FTO: variants seen among roughly 807,000 people sequenced by gnomAD.
FTO encodes alpha-ketoglutarate-dependent dioxygenase FTO.
Under a neutral mutation model 63.9 loss-of-function variants are expected in FTO, and 47 were observed. The observed-to-expected ratio is 0.74, with a 90% CI of 0.58 to 0.94. The LOEUF is 0.94. FTO is among the 40% of genes least tolerant of loss of function. The pLI, the probability that FTO is intolerant of heterozygous loss-of-function variation, is 0.00. For missense variants in FTO, 562 were observed against 618.1 expected (o/e 0.91, Z 0.96); for synonymous variants, 207 against 224.4 (o/e 0.92, Z 0.69).
intron 1 of FTO, among the ~76,000 whole-genome samples, chr16:53,797,781 G>A (rs2078113678): frequency 6.6e-6 from 1 of 152,052 alleles, no homozygotes; most frequent in African/African-American, 2.4e-5. Context: ...CAGTGTATAA[G>A]AGTTCTAGTT....
intron 1 of FTO, among the ~76,000 whole-genome samples, chr16:53,762,189 C>T (rs899399379): frequency 2.0e-5 from 3 of 152,098 alleles, no homozygotes; most frequent in African/African-American, 4.8e-5. Context: ...AATGTTTTAC[C>T]GGTAAACAGG....
chr16:53,762,518 A>C (rs2077094730), intron 1 of FTO, among the ~76,000 whole-genome samples: 1 of 152,144 alleles, frequency 6.6e-6, no homozygotes, highest in Non-Finnish European at 1.5e-5. Context: ...TTGATCAGAC[A>C]ATATAAGCAC....
chr16:53,779,400 T>G (rs1345929132), intron 1 of FTO, among the ~76,000 whole-genome samples: 2 of 152,192 alleles, frequency 1.3e-5, no homozygotes, highest in African/African-American at 2.4e-5. Context: ...CCTTAACTGG[T>G]CTTTATTGTT....
intron 7 of FTO, among the ~76,000 whole-genome samples, chr16:53,906,921 C>G (rs1440074453): frequency 6.6e-6 from 1 of 152,200 alleles, no homozygotes; most frequent in Non-Finnish European, 1.5e-5. Flanking sequence ...TGGGAGAACT[C>G]TTACCTTTGA....
chr16:53,862,565 T>A (rs1192979347), intron 4 of FTO, among the ~76,000 whole-genome samples: 1 of 147,828 alleles, frequency 6.8e-6, no homozygotes, highest in East Asian at 2.0e-4. Flanking sequence ...CAAGATGGAG[T>A]CTCTCTGTCG....
At chr16:53,752,928 T>G (rs1160586413) in intron 1 of FTO, among the ~76,000 whole-genome samples, 1 of 152,056 alleles carries the variant, frequency 6.6e-6, no homozygotes. Flanking sequence ...GCCTTTTTTT[T>G]TTTTTTTAAA....
intron 8 of FTO, among the ~76,000 whole-genome samples, chr16:54,026,466 TA>T (rs2084717923): frequency 6.6e-6 from 1 of 152,208 alleles, no homozygotes; most frequent in Non-Finnish European, 1.5e-5. Context: ...CTCCATTACC[TA>T]AAACCTAATC....
Position 54,116,967 on chromosome 16 carries a change from AC to A in FTO, c.*5054del, listed in dbSNP as rs1251566131. On this transcript the variant is annotated 3_prime_UTR_variant, in exon 9 of 9. Coordinates refer to ENST00000471389, the MANE Select transcript of FTO (RefSeq NM_001080432.3). ...ACAGTCCTAATTCCCACCTCTCAGA[AC>A]CTTGTCAGCCAAGTTCTTCCTGCTC... 2 of 152,154 alleles carry A rather than the reference AC, an allele frequency of 1.3e-5. No individual in the cohort carries two copies. Among genetic ancestry groups the A allele is most frequent in the African/African-American group, 4.8e-5 (2 of 41,354 alleles). The allele number at this position is 152,154 out of a possible 1,614,324, so 9.4% of individuals were successfully genotyped here.
chr16:53,935,132 G>A (rs770312330), intron 8 of FTO, among the ~76,000 whole-genome samples: 1 of 152,144 alleles, frequency 6.6e-6, no homozygotes, highest in African/African-American at 2.4e-5. Flanking sequence ...AAAAATTATT[G>A]AATTGTCATC....
At chr16:54,074,693 G>T (rs1419491338) in intron 8 of FTO, among the ~76,000 whole-genome samples, 2 of 151,970 alleles carry the variant, frequency 1.3e-5, no homozygotes, top group South Asian at 2.1e-4. Flanking sequence ...GAATATCCTT[G>T]TCTAAAAATT....
chr16:54,105,793 GTGTGTGTGTGTGTGTGTGTGTA>G (rs1312057700), intron 8 of FTO, among the ~76,000 whole-genome samples: 1 of 144,094 alleles, frequency 6.9e-6, no homozygotes, highest in Admixed American at 7.0e-5. Context: ...GTGTGTGTGT[GTGTGTGTGTGTGTGTGTGTGTA>G]TGTTACATTT....
intron 7 of FTO, among the ~76,000 whole-genome samples, chr16:53,904,914 T>G (rs2081498781): frequency 6.6e-6 from 1 of 151,994 alleles, no homozygotes; most frequent in African/African-American, 2.4e-5. Context: ...GGTTGAAGCC[T>G]TTACCTTGCA....
intron 8 of FTO, among the ~76,000 whole-genome samples, chr16:53,973,868 AAAAT>A (rs757420475): frequency 6.6e-6 from 1 of 152,190 alleles, no homozygotes; most frequent in Non-Finnish European, 1.5e-5. Flanking sequence ...TACCGTATGT[AAAAT>A]AAGTGTAAAA....
intron 7 of FTO, among the ~76,000 whole-genome samples, chr16:53,912,270 T>G (rs931853185): frequency 3.3e-5 from 5 of 152,144 alleles, no homozygotes; most frequent in African/African-American, 1.2e-4. Flanking sequence ...GGGTTGTGAG[T>G]CAGAAGTCCA....
intron 4 of FTO, among the ~76,000 whole-genome samples, chr16:53,856,603 A>G (rs2080005160): frequency 6.6e-6 from 1 of 152,092 alleles, no homozygotes; most frequent in African/African-American, 2.4e-5. Context: ...TACAAAAATT[A>G]GCTGAGTGTG....
At chr16:53,970,155 A>G (rs775287823) in intron 8 of FTO, among the ~76,000 whole-genome samples, 7 of 152,196 alleles carry the variant, frequency 4.6e-5, no homozygotes, top group Non-Finnish European at 1.0e-4. Flanking sequence ...AAACCAAACT[A>G]AAGCTCAAGT....
chr16:54,020,319 A>T (rs1240372026), intron 8 of FTO, among the ~76,000 whole-genome samples: 1 of 152,188 alleles, frequency 6.6e-6, no homozygotes, highest in African/African-American at 2.4e-5. Context: ...CCATCCCTTC[A>T]CCCTGGTAGA....
intron 7 of FTO, among the ~76,000 whole-genome samples, chr16:53,924,253 A>G (rs1475842396): frequency 6.6e-6 from 1 of 152,184 alleles, no homozygotes; most frequent in Non-Finnish European, 1.5e-5. Context: ...GTTCGGTGCT[A>G]TTACTTATAC....
At chr16:53,796,109 C>T (rs1197110061) in intron 1 of FTO, among the ~76,000 whole-genome samples, 4 of 145,010 alleles carry the variant, frequency 2.8e-5, no homozygotes, top group African/African-American at 1.0e-4. Context: ...AGTGCAATGG[C>T]GCAATGCTGA....
Sources: allele counts gnomAD v4.1 joint callset (sites outside exome capture counted in the v4.1 genomes callset), GRCh38; gene constraint gnomAD v4.1.1; transcripts MANE v1.5; gene names NCBI Gene and HGNC (gene_info 2026-07-23, HGNC 2026-07-21).